Variants in TTLL11 observed in about 807,000 individuals in gnomAD.
TTLL11 encodes tubulin tyrosine ligase like 11.
TTLL11 carries 42 observed loss-of-function variants against 51.7 expected under a neutral mutation model. The ratio of observed to expected loss-of-function variants is 0.81; its 90% CI spans 0.64 to 1.05. TTLL11 has a LOEUF of 1.05. Ranked by LOEUF, TTLL11 falls within the 50% of genes least tolerant of loss-of-function variation. TTLL11 has a pLI of 0.00. For synonymous variants in TTLL11, 381 were observed against 383.5 expected, an observed-to-expected ratio of 0.99 and a Z score of 0.08; for missense variants, 799 against 940.4, an observed-to-expected ratio of 0.85 and a Z score of 1.97.
chr9:121,866,433 G>C (rs1838176227), intron 7 of TTLL11, among the ~76,000 whole-genome samples: 1 of 152,124 alleles, frequency 6.6e-6, no homozygotes, highest in African/African-American at 2.4e-5. Flanking sequence ...GCTGAGGCGG[G>C]TGGATCACCT....
At chr9:121,986,068 C>G (rs929093546) in intron 4 of TTLL11, among the ~76,000 whole-genome samples, 10 of 152,180 alleles carry the variant, frequency 6.6e-5, no homozygotes, top group East Asian at 3.9e-4. Flanking sequence ...GGCGTCTCCC[C>G]CCATGCTCCT....
At chr9:121,913,047 T>C (rs1313391155) in intron 6 of TTLL11, among the ~76,000 whole-genome samples, 1 of 152,214 alleles carries the variant, frequency 6.6e-6, no homozygotes, top group Non-Finnish European at 1.5e-5. Flanking sequence ...TGCAGTGAAC[T>C]CTGGCTGCTG....
chr9:121,995,013 A>G lies in TTLL11; in HGVS notation c.694-5243T>C, dbSNP rs917624485. On this transcript the variant is annotated intron_variant, in intron 3 of 8. Coordinates refer to ENST00000321582, the MANE Select transcript of TTLL11 (RefSeq NM_001139442.2). The surrounding 1 kb of genome is among the most constrained non-coding windows in gnomAD (Gnocchi z 4.4). ...ACAGGGAATATAAGGGAATGAGGAA[A>G]GGCAGAGGGGAGGCAGTGGGAAGAT... Among the ~76,000 whole-genome samples, 1 of 152,208 alleles carries G rather than the reference A, an allele frequency of 6.6e-6. No individual in the cohort carries two copies. The highest frequency in any genetic ancestry group is 2.4e-5 in the African/African-American group (1 of 41,444).
At chr9:121,823,859 C>T (rs1188813985) in intron 8 of TTLL11, among the ~76,000 whole-genome samples, 2 of 152,158 alleles carry the variant, frequency 1.3e-5, no homozygotes, top group Non-Finnish European at 2.9e-5. Flanking sequence ...GTCTTATAAG[C>T]GTCTACTTAT....
At chr9:121,849,793 T>C (rs1384034095) in intron 8 of TTLL11, among the ~76,000 whole-genome samples, 2 of 152,190 alleles carry the variant, frequency 1.3e-5, no homozygotes, top group African/African-American at 2.4e-5. Flanking sequence ...TTGATTACTG[T>C]AGGAATGCAA....
intron 7 of TTLL11, 135 bp from the exon 8 acceptor site, chr9:121,860,578 G>T: frequency 1.4e-6 from 1 of 692,648 alleles, no homozygotes; most frequent in Non-Finnish European, 2.4e-6. Context: ...CCAATGTGAT[G>T]GTGTTAGGAG....
At chr9:122,058,661 G>T (rs2063675755) in intron 1 of TTLL11, among the ~76,000 whole-genome samples, 1 of 152,122 alleles carries the variant, frequency 6.6e-6, no homozygotes, top group African/African-American at 2.4e-5. Context: ...AAATTTTGGA[G>T]CCTCCTTTTG....
In TTLL11 at chr9:122,035,297, T is replaced by C. The variant is rs189051435; in HGVS notation, c.560-3441A>G. ...TAAGGTCTATCCCTAGATGTCCCTA[T>C]GAGGGCAGTTCCCCTATCGATTGGG... is the stretch of plus-strand genomic sequence containing the variant. On this transcript the variant is annotated intron_variant, in intron 2 of 8. Coordinates refer to ENST00000321582, the MANE Select transcript of TTLL11 (RefSeq NM_001139442.2). 8.5e-5 allele frequency among the ~76,000 whole-genome samples: 13 copies of C among 152,324 alleles called. 1 individual carries two copies. The highest frequency in any genetic ancestry group is 2.9e-4 in the African/African-American group (12 of 41,578).
intron 3 of TTLL11, among the ~76,000 whole-genome samples, chr9:121,993,932 G>A (rs963796228): frequency 6.6e-6 from 1 of 152,150 alleles, no homozygotes; most frequent in Non-Finnish European, 1.5e-5. Flanking sequence ...ACAGGTACAC[G>A]CTACAGATCT....
intron 8 of TTLL11, among the ~76,000 whole-genome samples, chr9:121,842,126 C>T (rs968618915): frequency 6.6e-6 from 1 of 152,154 alleles, no homozygotes; most frequent in Non-Finnish European, 1.5e-5. Context: ...GGAAAAAGAG[C>T]AGGCTGGGGA....
chr9:121,990,392 A>G (rs1264685104), intron 3 of TTLL11, among the ~76,000 whole-genome samples: 2 of 152,232 alleles, frequency 1.3e-5, no homozygotes, highest in African/African-American at 4.8e-5. Context: ...GCAATCATAA[A>G]TGCAAGAGGC....
intron 6 of TTLL11, among the ~76,000 whole-genome samples, chr9:121,892,023 T>C (rs1479886363): frequency 7.3e-6 from 1 of 137,268 alleles, no homozygotes; most frequent in Non-Finnish European, 1.6e-5. Context: ...AACCTATATA[T>C]AGGTTTTATA....
intron 3 of TTLL11, among the ~76,000 whole-genome samples, chr9:121,996,779 G>T (rs144408625): frequency 2.0e-5 from 3 of 152,252 alleles, no homozygotes; most frequent in African/African-American, 7.2e-5. Flanking sequence ...TTTCATTCTC[G>T]TTCTGAACAC....
chr9:121,900,959 G>A lies in TTLL11; in HGVS notation c.1482-30211C>T, dbSNP rs533301077. On this transcript the variant is annotated intron_variant, in intron 6 of 8. Coordinates refer to ENST00000321582, the MANE Select transcript of TTLL11 (RefSeq NM_001139442.2). ...GAGTAGCTGAGACTACAGGTGTATA[G>A]AGATGGGGTCTCACCATGTTGCCCA... Among the ~76,000 whole-genome samples the A allele has an allele frequency of 1.5e-3, 226 of 152,154 alleles. 2 individuals are homozygous for A. The highest frequency in any genetic ancestry group is 3.8e-4 in the Non-Finnish European group (26 of 67,998).
chr9:121,834,603 T>C (rs7026178), intron 8 of TTLL11, among the ~76,000 whole-genome samples: 94,454 of 151,510 alleles, frequency 0.62, 29,857 homozygotes, highest in East Asian at 0.79. Context: ...CCAAAGCAGG[T>C]AGATCACAAG....
chr9:122,023,844 TAAC>T (rs1474047669), intron 3 of TTLL11, among the ~76,000 whole-genome samples: 1 of 151,846 alleles, frequency 6.6e-6, no homozygotes, highest in Non-Finnish European at 1.5e-5. Flanking sequence ...AACCTACAAC[TAAC>T]AACAATACTT....
At chr9:122,086,145 C>A (rs1416187329) in intron 1 of TTLL11, among the ~76,000 whole-genome samples, 1 of 152,170 alleles carries the variant, frequency 6.6e-6, no homozygotes, top group Non-Finnish European at 1.5e-5. Flanking sequence ...CATTACAACA[C>A]CTGCTTAAAA....
At chr9:122,064,547 C>A (rs1447329052) in intron 1 of TTLL11, among the ~76,000 whole-genome samples, 1 of 152,176 alleles carries the variant, frequency 6.6e-6, no homozygotes, top group East Asian at 1.9e-4. Context: ...TAGCATTTAT[C>A]CATTTTACAG....
chr9:122,092,547 G>A (rs1846289938), intron 1 of TTLL11, 140 bp downstream of exon 1: 1 of 1,439,318 alleles, frequency 6.9e-7, no homozygotes, highest in Non-Finnish European at 9.1e-7. Context: ...AGCACTTTGC[G>A]GCTGACAAGC....
Sources: gnomAD v4.1 joint callset for allele counts (sites outside exome capture counted in the v4.1 genomes callset) on GRCh38, gnomAD v4.1.1 for gene constraint, Gnocchi (gnomAD v3.1) non-coding constraint, MANE v1.5 for transcripts, NCBI Gene and HGNC (gene_info 2026-07-23, HGNC 2026-07-21) for gene names.